The following TFAM variants were observed in gnomAD, a reference collection of about 807,000 sequenced individuals.
The protein encoded by TFAM is mitochondrial transcription factor 1.
A neutral mutation model predicts 30.6 loss-of-function variants in TFAM; 13 were observed. That is an observed-to-expected ratio of 0.42 (90% CI 0.28 to 0.67). TFAM has a LOEUF of 0.67. Among genes scored for constraint, TFAM ranks in the 30% least tolerant of loss-of-function variants. The pLI is 0.21. For missense variants in TFAM, 231 were observed against 293.7 expected (o/e 0.79, Z 1.56); for synonymous variants, 106 against 94.8 (o/e 1.12, Z -0.69).
intron 2 of TFAM, chr10:58,386,854 A>AG (rs1174004539): frequency 4.7e-6 from 1 of 212,258 alleles, no homozygotes; most frequent in Non-Finnish European, 8.2e-6. Context: ...GACCTTGCCA[A>AG]GGGGATGGTG....
At chr10:58,391,249 A>C (rs1355563127) in intron 5 of TFAM, among the ~76,000 whole-genome samples, 1 of 152,146 alleles carries the variant, frequency 6.6e-6, no homozygotes, top group East Asian at 1.9e-4. Flanking sequence ...TATATCTTTT[A>C]ATAACATTTT....
Position 58,388,170 on chromosome 10 carries a change from CTTT to C in TFAM, c.221-17_221-15del. 1 of 1,607,114 alleles carries C rather than the reference CTTT, an allele frequency of 6.2e-7. No homozygotes were observed. Among genetic ancestry groups the C allele is most frequent in the Non-Finnish European group, 8.5e-7 (1 of 1,174,348 alleles). On this transcript the variant is annotated splice_polypyrimidine_tract_variant and intron_variant, in intron 2 of 6. Transcript: ENST00000487519. ...GAGGTAAAATTGTGGCATCTTTTTT[CTTT>C]TTATTTCATTCCATAGATGCAAAAA...
At position 58,385,457 on chromosome 10, in the gene TFAM, C is replaced by T. The variant is rs138971800; in HGVS notation, c.-91C>T. 11 of 968,536 alleles carry T rather than the reference C, an allele frequency of 1.1e-5. No individual in the cohort carries two copies. In the African/African-American group the frequency reaches 1.3e-4, roughly 11 times the overall value. The allele number at this position is 968,536 out of a possible 1,614,324, so 60.0% of individuals were successfully genotyped here. ...CATGATAACACACGCCGGAGGGTCGCACGCGGGTTCCAGTTGTGATTGCTG... is the reference window on the plus strand; with the variant it reads ...CATGATAACACACGCCGGAGGGTCGTACGCGGGTTCCAGTTGTGATTGCTG... On this transcript the variant is annotated 5_prime_UTR_variant, in exon 1 of 7. Coordinates refer to ENST00000487519, the MANE Select transcript of TFAM (RefSeq NM_003201.3).
chr10:58,386,341 A>G lies in TFAM; in HGVS notation c.220+3A>G. 2 of 1,602,192 alleles carry G rather than the reference A, an allele frequency of 1.2e-6. No individual in the cohort carries two copies. Among genetic ancestry groups the G allele is most frequent in the Non-Finnish European group, 1.7e-6 (2 of 1,169,272 alleles). ...CATATTTAAAGCTCAGAACCCAGGTAAGGAGTTTTGGGGCATATACCCTTT... is the reference window on the plus strand; with the variant it reads ...CATATTTAAAGCTCAGAACCCAGGTGAGGAGTTTTGGGGCATATACCCTTT... On this transcript the variant is annotated splice_donor_region_variant and intron_variant, in intron 2 of 6. Transcript: ENST00000487519.
chr10:58,389,092 G>A (rs754714109), intron 4 of TFAM, among the ~76,000 whole-genome samples: 3 of 152,174 alleles, frequency 2.0e-5, no homozygotes, highest in Non-Finnish European at 2.9e-5. Context: ...GGAAACTACA[G>A]GAACAGAGTT....
intron 5 of TFAM, among the ~76,000 whole-genome samples, chr10:58,391,110 G>A (rs1193453927): frequency 6.6e-6 from 1 of 151,866 alleles, no homozygotes; most frequent in Non-Finnish European, 1.5e-5. Context: ...TTAATATGTA[G>A]GGATATTAAA....
chr10:58,387,624 A>T (rs1246260869), intron 2 of TFAM, among the ~76,000 whole-genome samples: 1 of 152,170 alleles, frequency 6.6e-6, no homozygotes, highest in East Asian at 1.9e-4. Flanking sequence ...GCAATTGATC[A>T]TCCAGCTTCT....
chr10:58,386,743 T>G (rs1026235271), intron 2 of TFAM: 3 of 1,021,142 alleles, frequency 2.9e-6, no homozygotes, highest in African/African-American at 3.5e-5. Context: ...TGTAAAGTTC[T>G]ATGCAATTTA....
chr10:58,388,575 T>C, intron 3 of TFAM, 95 bp from the exon 4 acceptor site: 2 of 1,329,896 alleles, frequency 1.5e-6, no homozygotes, highest in Non-Finnish European at 1.1e-6. Context: ...ATAAAATCTG[T>C]CTGTCTGAAG....
intron 5 of TFAM, among the ~76,000 whole-genome samples, chr10:58,392,028 G>A (rs1302519221): frequency 6.8e-6 from 1 of 147,700 alleles, no homozygotes; most frequent in African/African-American, 2.5e-5. Flanking sequence ...GTTTAACTCT[G>A]AAAACTGGGG....
rs1840700495 is a variant in TFAM at position 58,397,262 on chromosome 10, G to T, written c.*2188G>T. The T allele has an allele frequency of 6.6e-6, 1 of 152,162 alleles. No homozygotes were observed. Among genetic ancestry groups the T allele is most frequent in the African/African-American group, 2.4e-5 (1 of 41,436 alleles). 9.4% of individuals were successfully genotyped at this position (152,162 alleles called of 1,614,324 possible). On this transcript the variant is annotated 3_prime_UTR_variant, in exon 7 of 7. Transcript: ENST00000487519. ...ACATAAACATCTCGGGACAAATGCA[G>T]CATAGAAAACATCTTTGTAGTTACC...
At position 58,399,198 on chromosome 10, in the gene TFAM, A is replaced by G. The variant is rs1196815587; in HGVS notation, c.*4124A>G. The G allele has an allele frequency of 6.6e-6, 1 of 152,232 alleles. No homozygotes were observed. The highest frequency in any genetic ancestry group is 1.5e-5 in the Non-Finnish European group (1 of 68,030). 9.4% of individuals were successfully genotyped at this position (152,232 alleles called of 1,614,324 possible). On this transcript the variant is annotated 3_prime_UTR_variant, in exon 7 of 7. Transcript: ENST00000487519. Reference sequence around the variant, plus strand: ...GACTCTAAACAGGAATTTTAAATAAACTAAACATTTTTTCATCACCAAGCA... The same window carrying G: ...GACTCTAAACAGGAATTTTAAATAAGCTAAACATTTTTTCATCACCAAGCA...
Position 58,385,462 on chromosome 10 carries a change from G to T in TFAM, c.-86G>T, listed in dbSNP as rs576495463. On this transcript the variant is annotated 5_prime_UTR_variant, in exon 1 of 7. Coordinates refer to ENST00000487519, the MANE Select transcript of TFAM (RefSeq NM_003201.3). ...TAACACACGCCGGAGGGTCGCACGCGGGTTCCAGTTGTGATTGCTGGAGTT... is the reference window on the plus strand; with the variant it reads ...TAACACACGCCGGAGGGTCGCACGCTGGTTCCAGTTGTGATTGCTGGAGTT... 2.0e-6 allele frequency: 2 copies of T among 1,009,580 alleles called. No homozygotes were observed. Among genetic ancestry groups the T allele is most frequent in the South Asian group, 1.4e-5 (1 of 73,402 alleles). The allele number at this position is 1,009,580 out of a possible 1,614,324, so 62.5% of individuals were successfully genotyped here.
chr10:58,390,673 G>A (rs1840574433), intron 4 of TFAM, 92 bp from the exon 5 acceptor site: 2 of 918,680 alleles, frequency 2.2e-6, no homozygotes, highest in Non-Finnish European at 3.5e-6. Flanking sequence ...GGAATAATCT[G>A]TAATGCGTAG....
Position 58,390,995 on chromosome 10 carries a change from G to T in TFAM, c.537+135G>T, listed in dbSNP as rs1413731104. 5.0e-6 allele frequency: 4 copies of T among 802,222 alleles called. No individual in the cohort carries two copies. In the African/African-American group the frequency reaches 7.0e-5, roughly 14 times the overall value. 49.7% of individuals were successfully genotyped at this position (802,222 alleles called of 1,614,324 possible). Reference sequence around the variant, plus strand: ...CTCTTTTGCTAAGGCCCTCTTTAAAGAAAAATCTTTTTTCTTACCATATAC... The same window carrying T: ...CTCTTTTGCTAAGGCCCTCTTTAAATAAAAATCTTTTTTCTTACCATATAC... On this transcript the variant is annotated intron_variant, in intron 5 of 6. Coordinates refer to ENST00000487519, the MANE Select transcript of TFAM (RefSeq NM_003201.3).
At position 58,394,380 on chromosome 10, in the gene TFAM, A is replaced by G; in HGVS notation, c.560A>G (p.Glu187Gly). Residue 187 changes from glutamate (E) to glycine (G), a missense_variant, in exon 6 of 7, where the codon GAA (glutamate) becomes GGA (glycine). Transcript: ENST00000487519. ...SPQEKLKTVK[E>G]NWKNLSDSEK... ...CAGGAAAAGCTGAAGACTGTAAAGG[A>G]AAACTGGAAAAATCTGTCTGACTCT... 6.2e-7 allele frequency: 1 copy of G among 1,613,714 alleles called. No individual in the cohort carries two copies. The highest frequency in any genetic ancestry group is 2.2e-5 in the East Asian group (1 of 44,802).
chr10:58,388,138 A>G, intron 2 of TFAM, 52 bp from the exon 3 acceptor site: 1 of 1,410,788 alleles, frequency 7.1e-7, no homozygotes, highest in South Asian at 1.2e-5. Context: ...TTAGAAATTA[A>G]TCCTGAGAGG....
chr10:58,389,843 TTCTC>T (rs1409714852), intron 4 of TFAM, among the ~76,000 whole-genome samples: 3 of 152,240 alleles, frequency 2.0e-5, no homozygotes, highest in African/African-American at 7.2e-5. Flanking sequence ...TCCCTTGTCA[TTCTC>T]TCTTTCTTTT....
At chr10:58,390,207 A>G (rs944378737) in intron 4 of TFAM, among the ~76,000 whole-genome samples, 1 of 152,214 alleles carries the variant, frequency 6.6e-6, no homozygotes, top group African/African-American at 2.4e-5. Flanking sequence ...TAATAATGCA[A>G]TATCACTCCC....
Sources: allele counts gnomAD v4.1 joint callset (sites outside exome capture counted in the v4.1 genomes callset), GRCh38; gene constraint gnomAD v4.1.1; transcripts MANE v1.5; gene names NCBI Gene and HGNC (gene_info 2026-07-23, HGNC 2026-07-21).